MITF: variants seen among roughly 807,000 people sequenced by gnomAD.
MITF encodes microphthalmia-associated transcription factor.
MITF carries 17 observed loss-of-function variants against 60.5 expected under a neutral mutation model. That is an observed-to-expected ratio of 0.28 (90% CI 0.19 to 0.42). The LOEUF (loss-of-function observed/expected upper bound fraction) is 0.42. Ranked by LOEUF, MITF falls within the 10% of genes least tolerant of loss-of-function variation. The pLI, the probability that MITF is intolerant of heterozygous loss-of-function variation, is 1.00. For missense variants in MITF, 622 were observed against 683.5 expected (o/e 0.91, Z 1.00); for synonymous variants, 260 against 248.5 (o/e 1.05, Z -0.43).
At chr3:69,943,235 C>G (rs2066012852) in intron 5 of MITF, among the ~76,000 whole-genome samples, 1 of 151,682 alleles carries the variant, frequency 6.6e-6, no homozygotes, top group South Asian at 2.1e-4. Flanking sequence ...GTATTCTCCA[C>G]AAAAAAATCA....
chr3:69,858,913 G>A (rs561749870), intron 1 of MITF, among the ~76,000 whole-genome samples: 4 of 152,146 alleles, frequency 2.6e-5, no homozygotes, highest in African/African-American at 7.2e-5. Context: ...TAGAGTCCTC[G>A]CTCCTTGTGT....
chr3:69,824,894 G>A (rs560938772), intron 1 of MITF, among the ~76,000 whole-genome samples: 1 of 152,300 alleles, frequency 6.6e-6, no homozygotes, highest in Admixed American at 6.5e-5. Flanking sequence ...AAGCACCACA[G>A]CAACTTCCCT....
chr3:69,789,796 C>A (rs1208535055), intron 1 of MITF, among the ~76,000 whole-genome samples: 2 of 152,090 alleles, frequency 1.3e-5, no homozygotes, highest in African/African-American at 4.8e-5. Context: ...GCAGAGGCTG[C>A]AATGAATGGA....
chr3:69,747,797 T>C (rs1251928680), intron 1 of MITF, among the ~76,000 whole-genome samples: 1 of 152,260 alleles, frequency 6.6e-6, no homozygotes, highest in Non-Finnish European at 1.5e-5. Context: ...TCCTACTTGA[T>C]GTCATCCCTT....
intron 1 of MITF, among the ~76,000 whole-genome samples, chr3:69,828,937 A>C (rs1156255): frequency 0.5 from 75,768 of 151,448 alleles, 20,612 homozygotes; most frequent in Non-Finnish European, 0.63. Context: ...ATACTGGAAT[A>C]TCGTGTGAGT....
chr3:69,962,248 C>G (rs901030908), intron 9 of MITF, among the ~76,000 whole-genome samples: 3 of 152,186 alleles, frequency 2.0e-5, no homozygotes, highest in Non-Finnish European at 2.9e-5. Flanking sequence ...GGCTTTCTTT[C>G]ATTTTCACTC....
At chr3:69,913,219 T>C (rs1469795952) in intron 2 of MITF, among the ~76,000 whole-genome samples, 1 of 152,112 alleles carries the variant, frequency 6.6e-6, no homozygotes, top group Non-Finnish European at 1.5e-5. Flanking sequence ...TTAAATTAAT[T>C]AAAGAGTAGA....
intron 2 of MITF, among the ~76,000 whole-genome samples, chr3:69,932,215 G>A (rs1268414755): frequency 6.6e-6 from 1 of 152,162 alleles, no homozygotes; most frequent in Non-Finnish European, 1.5e-5. Flanking sequence ...GGCCTTGGGG[G>A]CCCTGCAGAC....
intron 1 of MITF, among the ~76,000 whole-genome samples, chr3:69,872,685 A>C (rs2107253302): frequency 6.6e-6 from 1 of 152,270 alleles, no homozygotes. Flanking sequence ...CATTGAGATT[A>C]GTCTTTCCTG....
At chr3:69,850,444 T>C (rs2063805888) in intron 1 of MITF, among the ~76,000 whole-genome samples, 1 of 152,182 alleles carries the variant, frequency 6.6e-6, no homozygotes, top group Non-Finnish European at 1.5e-5. Context: ...GTAATGCATA[T>C]AAAATGCTTA....
chr3:69,953,291 A>T (rs2066302515), intron 7 of MITF, among the ~76,000 whole-genome samples: 1 of 152,158 alleles, frequency 6.6e-6, no homozygotes, highest in South Asian at 2.1e-4. Context: ...AGATGTGGAA[A>T]ACTGAGTTGG....
At chr3:69,799,899 C>T (rs896347055) in intron 1 of MITF, among the ~76,000 whole-genome samples, 2 of 152,126 alleles carry the variant, frequency 1.3e-5, no homozygotes, top group African/African-American at 2.4e-5. Flanking sequence ...AAATAGACAT[C>T]TATAAATTTA....
intron 5 of MITF, among the ~76,000 whole-genome samples, chr3:69,943,071 T>TG (rs1305117150): frequency 1.4e-5 from 2 of 146,142 alleles, no homozygotes. Context: ...ATTAGCCTCC[T>TG]CTTTTTTTTT....
intron 1 of MITF, among the ~76,000 whole-genome samples, chr3:69,746,803 G>A (rs187268689): frequency 7.2e-5 from 11 of 152,298 alleles, no homozygotes; most frequent in Admixed American, 6.5e-4. Context: ...AGAGACAAAC[G>A]AGGTCGAGAA....
At chr3:69,807,251 GA>G (rs2063025109) in intron 1 of MITF, among the ~76,000 whole-genome samples, 1 of 152,192 alleles carries the variant, frequency 6.6e-6, no homozygotes, top group Non-Finnish European at 1.5e-5. Context: ...GGTTAAGAAT[GA>G]GATAGTCTGC....
At chr3:69,876,392 T>TATTTATTTTAAAATAAATAAATAAA (rs2064354282) in intron 1 of MITF, among the ~76,000 whole-genome samples, 1 of 152,146 alleles carries the variant, frequency 6.6e-6, no homozygotes, top group African/African-American at 2.4e-5. Context: ...TTTATTTATT[T>TATTTATTTTAAAATAAATAAATAAA]TAAAATAACT....
Position 69,944,100 on chromosome 3 carries a change from A to G in MITF, c.762+2769A>G, listed in dbSNP as rs540609359. ...CAGAGCAAGACCCTGTTTTTAGAAA[A>G]CACATTTAAAAATAAAAAAGTAGAA... On this transcript the variant is annotated intron_variant, in intron 5 of 9. Transcript: ENST00000352241. Among the ~76,000 whole-genome samples the G allele has an allele frequency of 4.6e-5, 7 of 152,226 alleles. No individual in the cohort carries two copies. The South Asian group carries it at 1.0e-3, about 23-fold the overall frequency.
At chr3:69,889,539 A>G (rs2064710734) in intron 2 of MITF, among the ~76,000 whole-genome samples, 1 of 151,970 alleles carries the variant, frequency 6.6e-6, no homozygotes, top group African/African-American at 2.4e-5. Flanking sequence ...TATTTAACCC[A>G]AAATATCTAA....
At chr3:69,808,313 AG>A (rs1460639271) in intron 1 of MITF, among the ~76,000 whole-genome samples, 2 of 151,986 alleles carry the variant, frequency 1.3e-5, no homozygotes, top group East Asian at 3.9e-4. Flanking sequence ...TTGAGAGTCA[AG>A]GGGGGCACTT....
Sources: allele counts gnomAD v4.1 joint callset (sites outside exome capture counted in the v4.1 genomes callset), GRCh38; gene constraint gnomAD v4.1.1; transcripts MANE v1.5; gene names NCBI Gene and HGNC (gene_info 2026-07-23, HGNC 2026-07-21).